CABP1: variants seen among roughly 807,000 people sequenced by gnomAD.
CABP1 encodes the protein calcium-binding protein 1.
Under a neutral mutation model 34.3 loss-of-function variants are expected in CABP1, and 17 were observed. The observed-to-expected ratio is 0.50, with a 90% CI of 0.34 to 0.74. CABP1 has a LOEUF of 0.74. Ranked by LOEUF, CABP1 falls within the 30% of genes least tolerant of loss-of-function variation. CABP1 has a pLI of 0.01. For synonymous variants in CABP1, 198 were observed against 229.2 expected (o/e 0.86, Z 1.23); for missense variants, 373 against 511.1 (o/e 0.73, Z 2.61).
At chr12:120,650,544 TG>T in intron 1 of CABP1, 1 of 1,605,468 alleles carries the variant, frequency 6.2e-7, no homozygotes, top group Non-Finnish European at 8.5e-7. Context: ...GGAGGGAGGC[TG>T]GGGTTGGCAG....
At chr12:120,650,732 C>T (rs1416409970) in intron 1 of CABP1, 1 of 1,576,284 alleles carries the variant, frequency 6.3e-7, no homozygotes, top group East Asian at 2.2e-5. Context: ...GGGGGTATCT[C>T]ACCATCTGTC....
downstream of CABP1, among the ~76,000 whole-genome samples, chr12:120,667,883 A>G (rs990801664): frequency 1.3e-5 from 2 of 152,156 alleles, no homozygotes; most frequent in Non-Finnish European, 1.5e-5. Flanking sequence ...TGAAGAATGT[A>G]GTTAGTTATT....
At chr12:120,648,736 C>A (rs1879664374) in intron 1 of CABP1, among the ~76,000 whole-genome samples, 1 of 152,032 alleles carries the variant, frequency 6.6e-6, no homozygotes, top group Admixed American at 6.6e-5. Context: ...CAAAAATTAG[C>A]CAGGCATGAA....
At chr12:120,675,315 A>C in the CABP1 span, among the ~76,000 whole-genome samples, 10 of 152,302 alleles carry the variant, frequency 6.6e-5, no homozygotes, top group African/African-American at 2.2e-4. Context: ...GACCTCCCAA[A>C]GTGGTGGGAT....
chr12:120,673,833 C>T, the CABP1 span, among the ~76,000 whole-genome samples: 11 of 152,232 alleles, frequency 7.2e-5, no homozygotes, highest in African/African-American at 2.6e-4. Context: ...GAAGATGAAA[C>T]AAATTATTCT....
chr12:120,657,875 G>A (rs535623740), intron 1 of CABP1, among the ~76,000 whole-genome samples: 4 of 152,296 alleles, frequency 2.6e-5, no homozygotes, highest in South Asian at 2.1e-4. Flanking sequence ...GGCCTGATGC[G>A]TGGGAAAGGA....
downstream of CABP1, among the ~76,000 whole-genome samples, chr12:120,669,444 A>G (rs1030449501): frequency 1.3e-5 from 2 of 152,152 alleles, no homozygotes; most frequent in South Asian, 2.1e-4. Context: ...TTCTGTAGAC[A>G]TCTCTATCGG....
chr12:120,656,768 G>A (rs1275902898), intron 1 of CABP1, among the ~76,000 whole-genome samples: 1 of 152,138 alleles, frequency 6.6e-6, no homozygotes, highest in Non-Finnish European at 1.5e-5. Flanking sequence ...GGTGGCGGGT[G>A]CCTGTAATCC....
the CABP1 span, among the ~76,000 whole-genome samples, chr12:120,679,814 C>T: frequency 1.3e-5 from 2 of 150,070 alleles, no homozygotes; most frequent in African/African-American, 2.5e-5. Context: ...GCAACAAGAG[C>T]GAAACTCTGT....
At chr12:120,656,232 G>T (rs1294227027) in intron 1 of CABP1, 2 of 1,584,340 alleles carry the variant, frequency 1.3e-6, no homozygotes, top group African/African-American at 2.7e-5. Context: ...GGCCCTGCCT[G>T]CATTTTCCTG....
intron 1 of CABP1, among the ~76,000 whole-genome samples, chr12:120,651,250 T>C (rs1879828699): frequency 6.6e-6 from 1 of 152,166 alleles, no homozygotes; most frequent in Non-Finnish European, 1.5e-5. Flanking sequence ...CCGAGTGGTT[T>C]TAGGGCCCAG....
downstream of CABP1, among the ~76,000 whole-genome samples, chr12:120,671,155 C>T (rs529021500): frequency 6.6e-6 from 1 of 152,290 alleles, no homozygotes; most frequent in African/African-American, 2.4e-5. Flanking sequence ...CCTGCAATCC[C>T]AGCACTTCGG....
In CABP1 at chr12:120,660,621, T is replaced by A. The variant is rs561047970; in HGVS notation, c.830-110T>A. On this transcript the variant is annotated intron_variant, in intron 3 of 5. Coordinates refer to ENST00000316803, the MANE Select transcript of CABP1 (RefSeq NM_001033677.2). The surrounding 1 kb of genome is among the most constrained non-coding windows in gnomAD (Gnocchi z 5.0). The stretch of plus-strand genomic sequence containing the variant: ...AGGGCTCTTGTTATTATTAAGTTTG[T>A]CTCTATCTGATGAGCAGGTCAAGGA... 6.2e-5 allele frequency: 49 copies of A among 794,860 alleles called. 1 individual carries two copies. The African/African-American group carries it at 7.7e-4, about 12-fold the overall frequency. 49.2% of individuals were successfully genotyped at this position (794,860 alleles called of 1,614,324 possible).
chr12:120,650,546 G>C (rs1238089154), intron 1 of CABP1: 5 of 1,606,662 alleles, frequency 3.1e-6, no homozygotes, highest in Non-Finnish European at 4.2e-6. Context: ...AGGGAGGCTG[G>C]GGTTGGCAGA....
At chr12:120,651,542 T>A (rs2137338232) in intron 1 of CABP1, among the ~76,000 whole-genome samples, 1 of 152,334 alleles carries the variant, frequency 6.6e-6, no homozygotes, top group East Asian at 1.9e-4. Flanking sequence ...GAGGGAATGA[T>A]GGCGTTGTTT....
At chr12:120,658,277 T>C (rs559602584) in intron 1 of CABP1, among the ~76,000 whole-genome samples, 1 of 152,130 alleles carries the variant, frequency 6.6e-6, no homozygotes, top group Admixed American at 6.5e-5. Flanking sequence ...CAAGGTTTTT[T>C]GGTAGAGACG....
chr12:120,647,266 C>T (rs1431110078), intron 1 of CABP1, among the ~76,000 whole-genome samples: 1 of 152,192 alleles, frequency 6.6e-6, no homozygotes, highest in Non-Finnish European at 1.5e-5. Flanking sequence ...ATCTCATTAG[C>T]TCCTCACAAG....
downstream of CABP1, among the ~76,000 whole-genome samples, chr12:120,669,779 T>C (rs1184632028): frequency 6.6e-6 from 1 of 150,852 alleles, no homozygotes; most frequent in African/African-American, 2.4e-5. Context: ...ATCATAGATA[T>C]GCCAGTTGTG....
chr12:120,645,241 C>A (rs1879495414), intron 1 of CABP1, among the ~76,000 whole-genome samples: 1 of 152,162 alleles, frequency 6.6e-6, no homozygotes, highest in Non-Finnish European at 1.5e-5. Context: ...CTCCTTCTCT[C>A]TGAGAGGGCT....
Sources: gnomAD v4.1 joint callset for allele counts (sites outside exome capture counted in the v4.1 genomes callset) on GRCh38, gnomAD v4.1.1 for gene constraint, Gnocchi (gnomAD v3.1) non-coding constraint, MANE v1.5 for transcripts, NCBI Gene and HGNC (gene_info 2026-07-23, HGNC 2026-07-21) for gene names.